The following DCT variants were observed in gnomAD, a reference collection of about 807,000 sequenced individuals.
DCT encodes the protein L-dopachrome tautomerase.
In DCT, 47 loss-of-function variants were observed where a neutral mutation model predicts 53.0. That is an observed-to-expected ratio of 0.89 (90% CI 0.70 to 1.13). The LOEUF is 1.13. DCT is among the 50% of genes most tolerant of loss of function. DCT has a pLI of 0.00. For synonymous variants in DCT, 244 were observed against 237.0 expected (o/e 1.03, Z -0.27); for missense variants, 669 against 637.4 (o/e 1.05, Z -0.53).
At chr13:94,462,635 AC>A (rs143279252) in intron 4 of DCT, among the ~76,000 whole-genome samples, 23,282 of 152,130 alleles carry the variant, frequency 0.15, 1,994 homozygotes, top group Non-Finnish European at 0.2. Context: ...ACCAGAGTTA[AC>A]AATATGTGGT....
At chr13:94,491,544 G>A in the DCT span, among the ~76,000 whole-genome samples, 2 of 152,102 alleles carry the variant, frequency 1.3e-5, no homozygotes, top group Non-Finnish European at 2.9e-5. Flanking sequence ...CAATTCAACA[G>A]ATAACAGATA....
At chr13:94,483,836 A>C (rs548614776), upstream of DCT, among the ~76,000 whole-genome samples, 4 of 152,078 alleles carry the variant, frequency 2.6e-5, no homozygotes, top group African/African-American at 9.7e-5. Context: ...CCCCATCAGC[A>C]TGGTCTTTTT....
At position 94,479,426 on chromosome 13, in the gene DCT, G is replaced by GC; in HGVS notation, c.-172_-171insG. On this transcript the variant is annotated 5_prime_UTR_variant, in exon 1 of 8. The change abolishes the stop of an existing upstream ORF in the 5' untranslated region. Transcript: ENST00000377028. Reference sequence around the variant, plus strand: ...CCCACAAGAATCACAGAGGTTACATGTGTGCACATGTGTACATGAACGTGC... The same window carrying GC: ...CCCACAAGAATCACAGAGGTTACATGCTGTGCACATGTGTACATGAACGTGC... The GC allele has an allele frequency of 1.6e-6, 1 of 623,138 alleles. No individual in the cohort carries two copies. Among genetic ancestry groups the GC allele is most frequent in the Non-Finnish European group, 2.7e-6 (1 of 367,014 alleles). 38.6% of individuals were successfully genotyped at this position (623,138 alleles called of 1,614,324 possible).
chr13:94,534,337 T>C, the DCT span, among the ~76,000 whole-genome samples: 474 of 152,346 alleles, frequency 3.1e-3, 2 homozygotes, highest in African/African-American at 0.011. Flanking sequence ...TCGAATGGAA[T>C]GTACAATGAG....
chr13:94,549,366 G>C, the DCT span, among the ~76,000 whole-genome samples: 1 of 152,194 alleles, frequency 6.6e-6, no homozygotes, highest in East Asian at 1.9e-4. Context: ...TCGCCACCGC[G>C]GCCCGGGTCG....
chr13:94,461,726 C>T (rs141684345), intron 5 of DCT, among the ~76,000 whole-genome samples: 1 of 152,178 alleles, frequency 6.6e-6, no homozygotes, highest in African/African-American at 2.4e-5. Flanking sequence ...TAATGAAGTA[C>T]CCTGTTTCCA....
At chr13:94,516,341 T>C in the DCT span, among the ~76,000 whole-genome samples, 52,998 of 151,926 alleles carry the variant, frequency 0.35, 9,674 homozygotes, top group East Asian at 0.61. Flanking sequence ...TAAATTTCAA[T>C]CCTTGCTATA....
At chr13:94,470,953 A>G (rs1367782840) in intron 1 of DCT, among the ~76,000 whole-genome samples, 1 of 152,248 alleles carries the variant, frequency 6.6e-6, no homozygotes, top group Non-Finnish European at 1.5e-5. Context: ...GTGTTGAGTG[A>G]ATAACAGAAG....
chr13:94,510,614 T>C, the DCT span, among the ~76,000 whole-genome samples: 1 of 152,246 alleles, frequency 6.6e-6, no homozygotes, highest in Non-Finnish European at 1.5e-5. Context: ...CTGATGTGGT[T>C]ATCAGGAAAT....
the DCT span, among the ~76,000 whole-genome samples, chr13:94,511,962 C>A: frequency 6.6e-6 from 1 of 152,002 alleles, no homozygotes; most frequent in Non-Finnish European, 1.5e-5. Flanking sequence ...CTCTGGGGCT[C>A]AAGCAATACT....
intron 7 of DCT, among the ~76,000 whole-genome samples, chr13:94,442,766 T>A (rs1882423819): frequency 6.6e-6 from 1 of 152,208 alleles, no homozygotes; most frequent in African/African-American, 2.4e-5. Flanking sequence ...AACCTATCCA[T>A]CGCAGGTGGT....
the DCT span, among the ~76,000 whole-genome samples, chr13:94,543,004 G>A: frequency 1.3e-5 from 2 of 152,138 alleles, no homozygotes; most frequent in South Asian, 4.1e-4. Context: ...AAAATTCTTT[G>A]ACATAGAATA....
chr13:94,489,804 CTAATTA>C, the DCT span, among the ~76,000 whole-genome samples: 8 of 151,840 alleles, frequency 5.3e-5, no homozygotes, highest in African/African-American at 1.5e-4. Context: ...GTCTAAGCAT[CTAATTA>C]TAAGTACTTC....
the DCT span, among the ~76,000 whole-genome samples, chr13:94,488,723 TACACACACACACACACAC>T: frequency 0.043 from 5,982 of 139,234 alleles, 168 homozygotes; most frequent in South Asian, 0.11. Flanking sequence ...GTCTAATATA[TACACACACACACACACAC>T]ACACACACAC....
At chr13:94,449,669 G>A (rs1383018517) in intron 6 of DCT, among the ~76,000 whole-genome samples, 1 of 152,102 alleles carries the variant, frequency 6.6e-6, no homozygotes, top group Non-Finnish European at 1.5e-5. Flanking sequence ...AGGTTGGTTT[G>A]GACTTTTTAA....
At chr13:94,506,583 A>T in the DCT span, among the ~76,000 whole-genome samples, 1 of 152,250 alleles carries the variant, frequency 6.6e-6, no homozygotes, top group African/African-American at 2.4e-5. Context: ...GCAGAATTTA[A>T]TTAGTAAATA....
chr13:94,472,521 C>CAT (rs1555334365), intron 1 of DCT, among the ~76,000 whole-genome samples: 170 of 25,254 alleles, frequency 6.7e-3, no homozygotes, highest in Non-Finnish European at 8.3e-3. Flanking sequence ...TACATACATA[C>CAT]ATATATATAT....
intron 6 of DCT, among the ~76,000 whole-genome samples, chr13:94,448,053 G>A (rs1445403499): frequency 2.0e-5 from 3 of 152,058 alleles, no homozygotes; most frequent in African/African-American, 7.2e-5. Flanking sequence ...TTCGAGACCA[G>A]CCCCAGCAAC....
chr13:94,439,905 T>C lies in DCT; in HGVS notation c.1553A>G (p.Glu518Gly), dbSNP rs748569533. Reference protein sequence around the residue: ...THLSSKRYTEEA With the variant: ...THLSSKRYTEGA ...AGGTAAGGCATGAGCACCCTAGGCTTCTTCTGTGTATCTCTTGCTGCTTAA... is the reference window on the plus strand; with the variant it reads ...AGGTAAGGCATGAGCACCCTAGGCTCCTTCTGTGTATCTCTTGCTGCTTAA... The change falls in exon 8 of 8, where the codon GAA (glutamate) becomes GGA (glycine). Residue 518 changes from glutamate (E) to glycine (G), a missense_variant. Physicochemically the swap from Glu to Gly is moderately conservative, Grantham distance 98. Coordinates refer to ENST00000377028, the MANE Select transcript of DCT (RefSeq NM_001922.5). 3.0e-5 allele frequency: 48 copies of C among 1,613,160 alleles called. No homozygotes were observed. The highest frequency in any genetic ancestry group is 3.7e-5 in the Non-Finnish European group (44 of 1,179,676).
Sources: gnomAD v4.1 joint callset for allele counts (sites outside exome capture counted in the v4.1 genomes callset) on GRCh38, gnomAD v4.1.1 for gene constraint, MANE v1.5 for transcripts, NCBI Gene and HGNC (gene_info 2026-07-23, HGNC 2026-07-21) for gene names.